The following KAT7 variants were observed in gnomAD, a reference collection of about 807,000 sequenced individuals.
The protein encoded by KAT7 is histone acetyltransferase KAT7.
In KAT7, 10 loss-of-function variants were observed where a neutral mutation model predicts 82.1. The ratio of observed to expected loss-of-function variants is 0.12; its 90% CI spans 0.08 to 0.21. The LOEUF (loss-of-function observed/expected upper bound fraction) is 0.21. Among genes scored for constraint, KAT7 ranks in the 10% least tolerant of loss-of-function variants. The pLI is 1.00. For synonymous variants in KAT7, 250 were observed against 262.5 expected (o/e 0.95, Z 0.46); for missense variants, 378 against 760.9 (o/e 0.50, Z 5.92).
chr17:49,820,701 G>A (rs751343374), intron 9 of KAT7, among the ~76,000 whole-genome samples: 8 of 150,560 alleles, frequency 5.3e-5, no homozygotes, highest in Non-Finnish European at 1.2e-4. Flanking sequence ...GTGCTCCCTT[G>A]TGGCCAAGTG....
At chr17:49,821,522 A>G (rs1567863676) in intron 10 of KAT7, 96 bp downstream of exon 10, 1 of 1,484,838 alleles carries the variant, frequency 6.7e-7, no homozygotes, top group East Asian at 2.3e-5. Flanking sequence ...TGTGAAGGAC[A>G]TAGAACTCTT....
chr17:49,817,553 G>A (rs1485941650), intron 8 of KAT7, among the ~76,000 whole-genome samples: 2 of 152,182 alleles, frequency 1.3e-5, no homozygotes, highest in East Asian at 1.9e-4. Flanking sequence ...GTTCACCGCA[G>A]CCTCTGCCTC....
intron 5 of KAT7, 51 bp downstream of exon 5, chr17:49,805,496 T>C (rs2074079972): frequency 7.3e-7 from 1 of 1,372,190 alleles, no homozygotes; most frequent in South Asian, 1.2e-5. Context: ...GCTTACCGTT[T>C]GCCAGGCACT....
rs1323863672 is a variant in KAT7, at chr17:49,827,576, C to T, written c.*74C>T. ...CCCTAGGGATCTGTCTGTCATTTCT[C>T]TGTTGCTCTTGTGATTGGCAAGTAC... is the stretch of plus-strand genomic sequence containing the variant. On this transcript the variant is annotated 3_prime_UTR_variant, in exon 15 of 15. Transcript: ENST00000259021. 3 of 897,110 alleles carry T rather than the reference C, an allele frequency of 3.3e-6. No homozygotes were observed. The African/African-American group carries it at 4.9e-5, about 15-fold the overall frequency. 55.6% of individuals were successfully genotyped at this position (897,110 alleles called of 1,614,324 possible).
chr17:49,791,323 A>G (rs1240396934), intron 1 of KAT7, among the ~76,000 whole-genome samples: 3 of 152,152 alleles, frequency 2.0e-5, no homozygotes, highest in African/African-American at 4.8e-5. Flanking sequence ...TTGATCTCCA[A>G]ATGGTCTTGG....
intron 8 of KAT7, among the ~76,000 whole-genome samples, chr17:49,816,875 C>T (rs982938897): frequency 1.1e-4 from 17 of 151,898 alleles, no homozygotes; most frequent in Admixed American, 3.9e-4. Flanking sequence ...GCAGTGGTGC[C>T]ATCATGGCTC....
intron 8 of KAT7, 81 bp downstream of exon 8, chr17:49,815,994 T>G (rs943459634): frequency 2.5e-6 from 2 of 804,942 alleles, no homozygotes; most frequent in East Asian, 5.0e-5. Flanking sequence ...CAAATCAGTT[T>G]GATGGGAATT....
intron 2 of KAT7, among the ~76,000 whole-genome samples, chr17:49,794,174 A>G (rs1375666883): frequency 1.3e-5 from 2 of 152,198 alleles, no homozygotes; most frequent in South Asian, 2.1e-4. Flanking sequence ...AGATATGAAA[A>G]TTGATCATGG....
At chr17:49,806,126 A>G (rs573266339) in intron 5 of KAT7, among the ~76,000 whole-genome samples, 1 of 152,330 alleles carries the variant, frequency 6.6e-6, no homozygotes, top group Admixed American at 6.5e-5. Context: ...CTTGAGTAGT[A>G]TTGGACAGGT....
intron 6 of KAT7, among the ~76,000 whole-genome samples, chr17:49,810,353 T>C (rs1057499576): frequency 3.9e-5 from 6 of 152,298 alleles, no homozygotes; most frequent in African/African-American, 1.4e-4. Context: ...ATCTCCCAGG[T>C]TCAAGTGATT....
intron 5 of KAT7, among the ~76,000 whole-genome samples, chr17:49,807,953 G>T (rs547342744): frequency 6.6e-6 from 1 of 152,036 alleles, no homozygotes; most frequent in Non-Finnish European, 1.5e-5. Context: ...AATGCCAGTC[G>T]TTCTGTTTTG....
At chr17:49,804,826 T>C (rs543411788) in intron 4 of KAT7, among the ~76,000 whole-genome samples, 1 of 152,128 alleles carries the variant, frequency 6.6e-6, no homozygotes, top group Non-Finnish European at 1.5e-5. Flanking sequence ...AACTCAGTTC[T>C]CCCTCCAAAA....
In KAT7 at chr17:49,823,184, G is replaced by A. The variant is rs750154990; in HGVS notation, c.1387-18G>A. ...TCAAATCCTCATGACGTGTTCATCT[G>A]TTTGCTCTTGATTTTAGGAAAAGAA... is the stretch of plus-strand genomic sequence containing the variant. On this transcript the variant is annotated intron_variant, in intron 11 of 14. Coordinates refer to ENST00000259021, the MANE Select transcript of KAT7 (RefSeq NM_007067.5). The A allele has an allele frequency of 2.1e-6, 3 of 1,404,284 alleles. No homozygotes were observed. The highest frequency in any genetic ancestry group is 3.0e-6 in the Non-Finnish European group (3 of 990,716). The allele number at this position is 1,404,284 out of a possible 1,614,324, so 87.0% of individuals were successfully genotyped here. A position where few individuals can be genotyped will look rare whatever the true frequency, so the allele number is the denominator to read the frequency against.
At chr17:49,805,758 C>T (rs529040906) in intron 5 of KAT7, among the ~76,000 whole-genome samples, 12 of 152,300 alleles carry the variant, frequency 7.9e-5, no homozygotes, top group Admixed American at 7.8e-4. Flanking sequence ...GGACTTATTG[C>T]ACTAAGGAAT....
chr17:49,792,922 C>G (rs1423319888), intron 2 of KAT7, among the ~76,000 whole-genome samples: 2 of 152,036 alleles, frequency 1.3e-5, no homozygotes, highest in Non-Finnish European at 2.9e-5. Context: ...AGTGATCCTC[C>G]CACCTCAGCC....
chr17:49,820,922 T>TA (rs533983840), intron 9 of KAT7, among the ~76,000 whole-genome samples: 94 of 152,164 alleles, frequency 6.2e-4, no homozygotes, highest in South Asian at 4.4e-3. Context: ...GGTTAGGTGG[T>TA]AATGAGAAGT....
intron 4 of KAT7, among the ~76,000 whole-genome samples, chr17:49,801,721 C>T (rs1446504750): frequency 1.3e-5 from 2 of 152,184 alleles, no homozygotes; most frequent in East Asian, 3.8e-4. Context: ...AACTCCTGGG[C>T]TCAAGTGACC....
Position 49,805,443 on chromosome 17 carries a change from A to C in KAT7, c.661A>C (p.Lys221Gln). 1 of 1,605,652 alleles carries C rather than the reference A, an allele frequency of 6.2e-7. No individual in the cohort carries two copies. Among genetic ancestry groups the C allele is most frequent in the Non-Finnish European group, 8.5e-7 (1 of 1,172,442 alleles). Reference protein sequence around the residue: ...LYHNLSADECKVRAQSRDKQI... With the variant: ...LYHNLSADECQVRAQSRDKQI... ...TCATAACCTCTCAGCTGACGAATGCAAGGTAATTGTGCTCTCATTTATTCA... is the reference window on the plus strand; with the variant it reads ...TCATAACCTCTCAGCTGACGAATGCCAGGTAATTGTGCTCTCATTTATTCA... Residue 221 changes from lysine (K) to glutamine (Q), a missense_variant and splice_region_variant, in exon 5 of 15, where the codon AAG (lysine) becomes CAG (glutamine). Physicochemically the swap from Lys to Gln is moderately conservative, Grantham distance 53. This residue lies in a region of KAT7 where 14 missense variants were observed against 58.2 expected (regional missense o/e 0.24). Coordinates refer to ENST00000259021, the MANE Select transcript of KAT7 (RefSeq NM_007067.5).
chr17:49,808,985 T>C (rs2074127681), intron 5 of KAT7, 134 bp from the exon 6 acceptor site: 4 of 638,506 alleles, frequency 6.3e-6, no homozygotes, highest in Non-Finnish European at 1.1e-5. Context: ...TTGTAGAGAT[T>C]GTGACAATAA....
Sources: gnomAD v4.1 joint callset for allele counts (sites outside exome capture counted in the v4.1 genomes callset) on GRCh38, gnomAD v4.1.1 for gene constraint, gnomAD v4.1.1 regional missense constraint, MANE v1.5 for transcripts, NCBI Gene and HGNC (gene_info 2026-07-23, HGNC 2026-07-21) for gene names.